TRHDE: variants seen among roughly 807,000 people sequenced by gnomAD.
TRHDE encodes thyrotropin releasing hormone degrading enzyme.
Under a neutral mutation model 125.7 loss-of-function variants are expected in TRHDE, and 72 were observed. That is an observed-to-expected ratio of 0.57 (90% confidence interval 0.47 to 0.70). TRHDE has a LOEUF of 0.70. TRHDE is among the 30% of genes least tolerant of loss of function. The probability of loss-of-function intolerance (pLI) is 0.00; values close to 1 mark genes in which losing one functional copy is unlikely to be tolerated. For synonymous variants in TRHDE, 509 were observed against 509.1 expected, an observed-to-expected ratio of 1.00 and a Z score of 0.00; for missense variants, 1,110 against 1,327.1, an observed-to-expected ratio of 0.84 and a Z score of 2.54.
chr12:72,443,774 C>T (rs1178518143), intron 3 of TRHDE, among the ~76,000 whole-genome samples: 1 of 151,796 alleles, frequency 6.6e-6, no homozygotes. Context: ...GAGCTATTCA[C>T]TGCAGAGGGG....
Position 72,242,732 on chromosome 12 carries a change from T to A in TRHDE, n.280-135263T>A, listed in dbSNP as rs145694058. 4.2e-3 allele frequency among the ~76,000 whole-genome samples: 636 copies of A among 152,280 alleles called. 3 individuals carry two copies. The highest frequency in any genetic ancestry group is 0.014 in the African/African-American group (590 of 41,550). On this transcript the variant is annotated intron_variant and non_coding_transcript_variant, in intron 2 of 4. Transcript: ENST00000548156. ...GGTCAGAGGTGATTTGAATCCCATCTCCTTTCCCAATCTGACTGGTACTAC... is the reference window on the plus strand; with the variant it reads ...GGTCAGAGGTGATTTGAATCCCATCACCTTTCCCAATCTGACTGGTACTAC...
intron 15 of TRHDE, among the ~76,000 whole-genome samples, chr12:72,626,267 T>C (rs1873252856): frequency 6.6e-6 from 1 of 151,912 alleles, no homozygotes; most frequent in Non-Finnish European, 1.5e-5. Context: ...AAAATGGCAA[T>C]CATATTACTA....
chr12:72,109,719 TCTC>T (rs777526983), intron 2 of TRHDE, among the ~76,000 whole-genome samples: 4 of 152,086 alleles, frequency 2.6e-5, no homozygotes, highest in Non-Finnish European at 4.4e-5. Flanking sequence ...CTAGGAGACT[TCTC>T]CTTATATTTG....
intron 2 of TRHDE, among the ~76,000 whole-genome samples, chr12:72,179,593 A>G (rs1877055217): frequency 6.6e-6 from 1 of 152,044 alleles, no homozygotes; most frequent in South Asian, 2.1e-4. Context: ...TTGCTTCATG[A>G]AGCCATTTCT....
chr12:72,180,335 A>G (rs1877072045), intron 2 of TRHDE, among the ~76,000 whole-genome samples: 1 of 152,162 alleles, frequency 6.6e-6, no homozygotes. Context: ...TATTATAATA[A>G]GAATTAACAT....
intron 3 of TRHDE, among the ~76,000 whole-genome samples, chr12:72,453,201 T>C (rs927132229): frequency 6.6e-6 from 1 of 152,120 alleles, no homozygotes; most frequent in African/African-American, 2.4e-5. Context: ...AACAGTAAAA[T>C]CCAGGCTGAG....
At chr12:72,199,156 A>G (rs1368820665) in intron 2 of TRHDE, among the ~76,000 whole-genome samples, 8 of 152,186 alleles carry the variant, frequency 5.3e-5, no homozygotes. Flanking sequence ...AAACCATAGC[A>G]GTGAGTGTGA....
At chr12:72,288,035 G>T (rs1879956620) in intron 2 of TRHDE, among the ~76,000 whole-genome samples, 1 of 151,788 alleles carries the variant, frequency 6.6e-6, no homozygotes, top group Non-Finnish European at 1.5e-5. Context: ...TAAGCAAATG[G>T]TAGAGCTGTA....
intron 5 of TRHDE, among the ~76,000 whole-genome samples, chr12:72,479,654 T>TC (rs1877068717): frequency 6.6e-6 from 1 of 151,216 alleles, no homozygotes; most frequent in Admixed American, 6.6e-5. Flanking sequence ...TTTGTTTTTT[T>TC]TTAATTTTTA....
intron 2 of TRHDE, among the ~76,000 whole-genome samples, chr12:72,188,304 T>C (rs1225393982): frequency 6.6e-6 from 1 of 152,242 alleles, no homozygotes; most frequent in Non-Finnish European, 1.5e-5. Flanking sequence ...GCATTGGCAT[T>C]TGGAATAAAA....
At chr12:72,400,407 A>G (rs1872992763) in intron 3 of TRHDE, among the ~76,000 whole-genome samples, 1 of 152,204 alleles carries the variant, frequency 6.6e-6, no homozygotes, top group Admixed American at 6.5e-5. Context: ...CCTACATTTA[A>G]TTTAATATGT....
chr12:72,393,492 A>G (rs1780129353), intron 3 of TRHDE, among the ~76,000 whole-genome samples: 2 of 152,156 alleles, frequency 1.3e-5, no homozygotes, highest in Non-Finnish European at 2.9e-5. Context: ...TGCATAAACA[A>G]ACAGTGAATC....
At chr12:72,299,148 A>ATTAATATT (rs1297980596) in intron 2 of TRHDE, among the ~76,000 whole-genome samples, 2 of 152,314 alleles carry the variant, frequency 1.3e-5, no homozygotes, top group African/African-American at 4.8e-5. Flanking sequence ...GTTGAGATAT[A>ATTAATATT]TTAATATTTC....
At chr12:72,627,794 T>G (rs1180085742) in intron 15 of TRHDE, among the ~76,000 whole-genome samples, 2 of 151,588 alleles carry the variant, frequency 1.3e-5, no homozygotes, top group African/African-American at 4.8e-5. Context: ...ACACTCCCAC[T>G]TCAGCATCCC....
At chr12:72,297,998 G>A (rs530864477) in intron 2 of TRHDE, among the ~76,000 whole-genome samples, 73 of 152,268 alleles carry the variant, frequency 4.8e-4, no homozygotes, top group Non-Finnish European at 8.5e-4. Context: ...GTAAGCCTCA[G>A]CAAATCTCCA....
intron 2 of TRHDE, among the ~76,000 whole-genome samples, chr12:72,198,322 A>T (rs1356193138): frequency 6.6e-6 from 1 of 152,082 alleles, no homozygotes; most frequent in Non-Finnish European, 1.5e-5. Context: ...GTGTGTATAC[A>T]ATTTTAAATT....
At chr12:72,637,837 G>T (rs1873835423) in intron 15 of TRHDE, among the ~76,000 whole-genome samples, 1 of 151,192 alleles carries the variant, frequency 6.6e-6, no homozygotes, top group East Asian at 1.9e-4. Context: ...TTAATCCTGA[G>T]TTCTAGTTTG....
chr12:72,312,107 C>T (rs530834680), intron 2 of TRHDE, among the ~76,000 whole-genome samples: 2 of 152,066 alleles, frequency 1.3e-5, no homozygotes, highest in Non-Finnish European at 2.9e-5. Flanking sequence ...CTGTTATCAC[C>T]GTTTACAGGC....
rs145346185 is a variant in TRHDE at position 72,468,369 on chromosome 12, A to G, written c.1316-1389A>G. Among the ~76,000 whole-genome samples, 439 of 152,322 alleles carry G rather than the reference A, an allele frequency of 2.9e-3. 2 individuals are homozygous for G. Among genetic ancestry groups the G allele is most frequent in the Non-Finnish European group, 4.8e-3 (328 of 68,028 alleles). ...ATTGCTGTGTAATATTCCTTTATAT[A>G]CATATTTCTCAGTTTCTTTGTCCTT... On this transcript the variant is annotated intron_variant, in intron 3 of 18. Coordinates refer to ENST00000261180, the MANE Select transcript of TRHDE (RefSeq NM_013381.3).
Sources: allele counts gnomAD v4.1 joint callset (sites outside exome capture counted in the v4.1 genomes callset), GRCh38; gene constraint gnomAD v4.1.1; transcripts MANE v1.5; gene names NCBI Gene and HGNC (gene_info 2026-07-23, HGNC 2026-07-21).